CD2: variants seen among roughly 807,000 people sequenced by gnomAD.
The protein encoded by CD2 is T-cell surface antigen CD2.
CD2 carries 18 observed loss-of-function variants against 23.2 expected under a neutral mutation model. That is an observed-to-expected ratio of 0.77 (90% confidence interval 0.54 to 1.15). CD2 has a LOEUF of 1.15. CD2 is among the 50% of genes most tolerant of loss of function. CD2 has a pLI of 0.00. For missense variants in CD2, 424 were observed against 423.1 expected, an observed-to-expected ratio of 1.00 and a Z score of -0.02; for synonymous variants, 162 against 151.9, an observed-to-expected ratio of 1.07 and a Z score of -0.49.
intron 3 of CD2, among the ~76,000 whole-genome samples, chr1:116,761,686 T>A (rs979399448): frequency 3.3e-5 from 5 of 152,170 alleles, no homozygotes; most frequent in African/African-American, 1.2e-4. Context: ...TAGGTGAGAA[T>A]ACCAGGAAGC....
intron 2 of CD2, among the ~76,000 whole-genome samples, chr1:116,755,432 G>T (rs539691476): frequency 6.6e-6 from 1 of 152,320 alleles, no homozygotes; most frequent in South Asian, 2.1e-4. Flanking sequence ...ATTTAAGGAT[G>T]AACAGCCCTT....
intron 3 of CD2, among the ~76,000 whole-genome samples, chr1:116,762,654 A>T (rs148798041): frequency 3.8e-4 from 58 of 152,350 alleles, no homozygotes; most frequent in Non-Finnish European, 6.8e-4. Flanking sequence ...ACAGATTCAG[A>T]TGCACAAAAA....
At chr1:116,758,525 C>A (rs1181655500) in intron 2 of CD2, among the ~76,000 whole-genome samples, 1 of 152,128 alleles carries the variant, frequency 6.6e-6, no homozygotes, top group African/African-American at 2.4e-5. Flanking sequence ...ACTTTCCACA[C>A]CCTAGTCCTG....
chr1:116,755,071 A>G (rs1651794797), intron 2 of CD2, 120 bp downstream of exon 2: 7 of 680,006 alleles, frequency 1.0e-5, no homozygotes, highest in Non-Finnish European at 1.8e-5. Flanking sequence ...TATACAGGAA[A>G]CCAGATGCAT....
chr1:116,754,681 G>C lies in CD2; in HGVS notation c.112G>C (p.Gly38Arg). Residue 38 changes from glycine to arginine, a missense_variant, in exon 2 of 5, where the codon GGT becomes CGT. Transcript: ENST00000369478. ...TGCCTTGGAAACCTGGGGTGCCTTG[G>C]GTCAGGACATCAACTTGGACATTCC... Reference protein sequence around the residue: ...TNALETWGALGQDINLDIPSF... With the variant: ...TNALETWGALRQDINLDIPSF... 6.2e-7 allele frequency: 1 copy of C among 1,611,440 alleles called. No homozygotes were observed. The highest frequency in any genetic ancestry group is 8.5e-7 in the Non-Finnish European group (1 of 1,179,410).
rs751676431 is a variant in CD2 at position 116,754,830 on chromosome 1, T to C, written c.261T>C (p.Phe87=). The C allele has an allele frequency of 6.2e-7, 1 of 1,612,688 alleles. No individual in the cohort carries two copies. The highest frequency in any genetic ancestry group is 2.2e-5 in the East Asian group (1 of 44,862). ...AGGAAAAAGATACATATAAGCTATT[T>C]AAAAATGGAACTCTGAAAATTAAGC... ...TFKEKDTYKL[F]KNGTLKIKHL... is the part of the protein sequence containing the mutation. Residue 87 remains phenylalanine (F), a synonymous_variant, in exon 2 of 5, where the codon TTT becomes TTC. Coordinates refer to ENST00000369478, the MANE Select transcript of CD2 (RefSeq NM_001767.5).
At chr1:116,756,994 T>C (rs78124293) in intron 2 of CD2, among the ~76,000 whole-genome samples, 3 of 148,750 alleles carry the variant, frequency 2.0e-5, no homozygotes, top group African/African-American at 7.4e-5. Flanking sequence ...AGCTTCTCTT[T>C]TTTTTTTTTT....
intron 4 of CD2, among the ~76,000 whole-genome samples, chr1:116,767,463 C>T (rs977954014): frequency 2.0e-5 from 3 of 151,652 alleles, no homozygotes; most frequent in South Asian, 2.1e-4. Context: ...TGGTGGTGAA[C>T]GCCTGTAATC....
In CD2 at chr1:116,768,989, C is replaced by T. The variant is rs1451790107; in HGVS notation, c.*206C>T. On this transcript the variant is annotated 3_prime_UTR_variant, in exon 5 of 5. Coordinates refer to ENST00000369478, the MANE Select transcript of CD2 (RefSeq NM_001767.5). Reference sequence around the variant, plus strand: ...GGTCTCCTCAGAGAGCTCCATCACACCAGTAAGGAGAAGCAATATAAGTGT... The same window carrying T: ...GGTCTCCTCAGAGAGCTCCATCACATCAGTAAGGAGAAGCAATATAAGTGT... The T allele has an allele frequency of 1.0e-5, 6 of 577,502 alleles. No homozygotes were observed. The South Asian group carries it at 1.1e-4, about 11-fold the overall frequency. The allele number at this position is 577,502 out of a possible 1,614,324, so 35.8% of individuals were successfully genotyped here. A position where few individuals can be genotyped will look rare whatever the true frequency, so the allele number is the denominator to read the frequency against.
In CD2 at chr1:116,768,769, C is replaced by T. The variant is rs41313991; in HGVS notation, c.1042C>T (p.Pro348Ser). Residue 348 changes from proline (P) to serine (S), a missense_variant, in exon 5 of 5, where the codon CCT (proline) becomes TCT (serine). Pro to Ser is a moderately conservative substitution (Grantham distance 74). Transcript: ENST00000369478. Reference protein sequence around the residue: ...PHGAAENSLSPSSN With the variant: ...PHGAAENSLSSSSN The stretch of plus-strand genomic sequence containing the variant: ...TGGGGCAGCAGAAAACTCATTGTCC[C>T]CTTCCTCTAATTAAAAAAGATAGAA... 2,332 of 1,608,902 alleles carry T rather than the reference C, an allele frequency of 1.4e-3. 2 individuals are homozygous for T. Among genetic ancestry groups the T allele is most frequent in the Non-Finnish European group, 1.7e-3 (2,052 of 1,178,214 alleles).
In CD2 at chr1:116,754,884, C is replaced by T; in HGVS notation, c.315C>T (p.Tyr105=). 2 of 1,610,266 alleles carry T rather than the reference C, an allele frequency of 1.2e-6. No homozygotes were observed. The highest frequency in any genetic ancestry group is 1.3e-5 in the African/African-American group (1 of 74,848). Reference sequence around the variant, plus strand: ...TGAAGACCGATGATCAGGATATCTACAAGGTATCAATATATGATACAAAAG... The same window carrying T: ...TGAAGACCGATGATCAGGATATCTATAAGGTATCAATATATGATACAAAAG... ...KHLKTDDQDI[Y]KVSIYDTKGK... is the part of the protein sequence containing the mutation. The change falls in exon 2 of 5, where the codon TAC becomes TAT. Residue 105 remains tyrosine, a synonymous_variant. Transcript: ENST00000369478.
At chr1:116,757,500 T>C (rs1362406433) in intron 2 of CD2, among the ~76,000 whole-genome samples, 3 of 152,128 alleles carry the variant, frequency 2.0e-5, no homozygotes, top group East Asian at 1.9e-4. Flanking sequence ...AGTGAATGTA[T>C]ACGGAGGTAC....
intron 2 of CD2, among the ~76,000 whole-genome samples, chr1:116,755,833 A>G (rs1321087815): frequency 6.6e-6 from 1 of 152,172 alleles, no homozygotes; most frequent in Admixed American, 6.5e-5. Flanking sequence ...TGGAATCGAA[A>G]TGCCATTGAA....
intron 4 of CD2, 109 bp from the exon 5 acceptor site, chr1:116,768,355 T>C (rs1255833136): frequency 5.8e-6 from 6 of 1,030,028 alleles, no homozygotes; most frequent in Non-Finnish European, 2.8e-6. Context: ...TGCTTCCTCA[T>C]TGCATCCCCC....
At chr1:116,763,650 A>G (rs1652123251) in intron 3 of CD2, among the ~76,000 whole-genome samples, 1 of 152,200 alleles carries the variant, frequency 6.6e-6, no homozygotes. Flanking sequence ...CCTATGATGT[A>G]GGTTTCATTA....
At chr1:116,758,867 C>G (rs1337630203) in intron 2 of CD2, among the ~76,000 whole-genome samples, 1 of 152,162 alleles carries the variant, frequency 6.6e-6, no homozygotes, top group African/African-American at 2.4e-5. Flanking sequence ...TAGTCAGAAG[C>G]AGCTTGTCCA....
chr1:116,756,572 T>C (rs1204548131), intron 2 of CD2, among the ~76,000 whole-genome samples: 3 of 152,138 alleles, frequency 2.0e-5, no homozygotes, highest in Admixed American at 2.0e-4. Flanking sequence ...GACGACCTTT[T>C]CTTTTTTTTT....
At chr1:116,757,740 C>CAT (rs572120357) in intron 2 of CD2, among the ~76,000 whole-genome samples, 9,031 of 148,968 alleles carry the variant, frequency 0.061, 314 homozygotes, top group Middle Eastern at 0.11. Context: ...TAAAATATTA[C>CAT]ATATATATAT....
At chr1:116,764,889 A>G (rs1157971170) in intron 4 of CD2, among the ~76,000 whole-genome samples, 1 of 152,210 alleles carries the variant, frequency 6.6e-6, no homozygotes, top group Non-Finnish European at 1.5e-5. Flanking sequence ...TAATGTGAAC[A>G]TCTTTTGAAT....
Sources: gnomAD v4.1 joint callset for allele counts (sites outside exome capture counted in the v4.1 genomes callset) on GRCh38, gnomAD v4.1.1 for gene constraint, MANE v1.5 for transcripts, NCBI Gene and HGNC (gene_info 2026-07-23, HGNC 2026-07-21) for gene names.